Variants in PCDHA2 observed in about 807,000 individuals in gnomAD.
PCDHA2 encodes protocadherin alpha 2.
PCDHA2 carries 58 observed loss-of-function variants against 66.0 expected under a neutral mutation model. The observed-to-expected ratio is 0.88, with a 90% CI of 0.71 to 1.09. The LOEUF is 1.09. PCDHA2 is among the 50% of genes least tolerant of loss of function. The pLI, the probability that PCDHA2 is intolerant of heterozygous loss-of-function variation, is 0.00. For missense variants in PCDHA2, 1,267 were observed against 1,242.3 expected, an observed-to-expected ratio of 1.02 and a Z score of -0.30; for synonymous variants, 634 against 554.0, an observed-to-expected ratio of 1.14 and a Z score of -2.03.
intron 1 of PCDHA2, among the ~76,000 whole-genome samples, chr5:140,921,272 C>T (rs2080137544): frequency 6.6e-6 from 1 of 152,074 alleles, no homozygotes; most frequent in African/African-American, 2.4e-5. Context: ...TTTATACTTA[C>T]TTGAAAAAAA....
rs2098417470 is a variant in PCDHA2, at chr5:141,010,504, A to G, written c.*567A>G. On this transcript the variant is annotated 3_prime_UTR_variant, in exon 4 of 4. Coordinates refer to ENST00000526136, the MANE Select transcript of PCDHA2 (RefSeq NM_018905.3). ...AACTTAAAGGGACCAGACTTTCTAA[A>G]TCTTACAACTCAAGAGGTGGCAGCC... 3.6e-6 allele frequency: 2 copies of G among 549,616 alleles called. No homozygotes were observed. The allele number at this position is 549,616 out of a possible 1,614,324, so 34.0% of individuals were successfully genotyped here.
chr5:140,947,938 A>G (rs2094195228), intron 1 of PCDHA2, among the ~76,000 whole-genome samples: 1 of 151,536 alleles, frequency 6.6e-6, no homozygotes, highest in African/African-American at 2.4e-5. Context: ...CTTATGAGAA[A>G]AGTGTTCCAT....
At chr5:140,803,095 C>T (rs782438161) in intron 1 of PCDHA2, 1 of 1,613,880 alleles carries the variant, frequency 6.2e-7, no homozygotes. Context: ...GAGATCAGCA[C>T]GACCCGTGCC....
chr5:140,862,315 C>T, intron 1 of PCDHA2: 1 of 317,364 alleles, frequency 3.2e-6, no homozygotes, highest in Non-Finnish European at 6.2e-6. Context: ...CCGTCATAGC[C>T]CTAATCAGTG....
rs1554206642 is a variant in PCDHA2, at chr5:140,929,061, G to C, written c.2389-49888G>C. The C allele has an allele frequency of 3.1e-6, 5 of 1,614,196 alleles. No individual in the cohort carries two copies. In the South Asian group the frequency reaches 5.5e-5, roughly 18 times the overall value. On this transcript the variant is annotated intron_variant, in intron 1 of 3. Transcript: ENST00000526136. Reference sequence around the variant, plus strand: ...CTCAGAGCTGCTGTCGCTCTACAGAGGATCTGAGGTATGGAAGTAAGATGG... The same window carrying C: ...CTCAGAGCTGCTGTCGCTCTACAGACGATCTGAGGTATGGAAGTAAGATGG...
At chr5:140,834,504 C>T (rs2150219958) in intron 1 of PCDHA2, 3 of 1,614,130 alleles carry the variant, frequency 1.9e-6, no homozygotes, top group Non-Finnish European at 1.7e-6. Flanking sequence ...GGAGGCTAAA[C>T]ATGGCAACTT....
chr5:140,937,071 T>G (rs2091308048), intron 1 of PCDHA2, among the ~76,000 whole-genome samples: 1 of 147,932 alleles, frequency 6.8e-6, no homozygotes, highest in African/African-American at 2.5e-5. Context: ...GGAGTCTCGC[T>G]CTGTCGCCCA....
At chr5:140,829,647 C>CGGAGA in intron 1 of PCDHA2, 1 of 1,612,324 alleles carries the variant, frequency 6.2e-7, no homozygotes, top group Non-Finnish European at 8.5e-7. Context: ...AAGGTGTACG[C>CGGAGA]GCTGCAGCCG....
intron 1 of PCDHA2, chr5:140,805,239 T>A (rs1352814406): frequency 1.2e-5 from 16 of 1,347,520 alleles, no homozygotes; most frequent in Non-Finnish European, 9.5e-7. Flanking sequence ...GCATTCCCCA[T>A]CTGTACATTA....
At chr5:140,883,502 G>T in intron 1 of PCDHA2, 1 of 1,614,160 alleles carries the variant, frequency 6.2e-7, no homozygotes, top group Non-Finnish European at 8.5e-7. Context: ...GCTGGACAGC[G>T]CCCTGGACCG....
chr5:140,925,455 T>TTG, intron 1 of PCDHA2, among the ~76,000 whole-genome samples: 1 of 152,222 alleles, frequency 6.6e-6, no homozygotes, highest in East Asian at 1.9e-4. Flanking sequence ...GGTGTATCTG[T>TTG]TGTGGCTCAG....
At chr5:140,868,478 A>G (rs2050491329) in intron 1 of PCDHA2, 2 of 152,364 alleles carry the variant, frequency 1.3e-5, no homozygotes, top group African/African-American at 2.4e-5. Flanking sequence ...TAAAACTTCA[A>G]TTTTTTCTTT....
intron 1 of PCDHA2, chr5:140,822,913 G>A (rs2150120291): frequency 6.2e-7 from 1 of 1,614,254 alleles, no homozygotes; most frequent in Non-Finnish European, 8.5e-7. Context: ...TGACTCAGGT[G>A]CCAACGGGCA....
intron 1 of PCDHA2, chr5:140,831,345 A>G (rs1554133179): frequency 1.4e-5 from 2 of 142,358 alleles, no homozygotes; most frequent in African/African-American, 5.3e-5. Flanking sequence ...AGTAATTTAA[A>G]CTATTCACTA....
Position 140,809,694 on chromosome 5 carries a change from A to G in PCDHA2, c.2388+12342A>G, listed in dbSNP as rs1581705402. On this transcript the variant is annotated intron_variant, in intron 1 of 3. Transcript: ENST00000526136. ...AAATTTTACCTCTTTTTACATATCC[A>G]TTTTAACTAAAGTCTTTTGGAATTA... 2.5e-6 allele frequency: 3 copies of G among 1,188,996 alleles called. No homozygotes were observed. The South Asian group carries it at 4.7e-5, about 19-fold the overall frequency. 73.7% of individuals were successfully genotyped at this position (1,188,996 alleles called of 1,614,324 possible). A position where few individuals can be genotyped will look rare whatever the true frequency, so the allele number is the denominator to read the frequency against.
At chr5:140,925,131 T>A (rs986113292) in intron 1 of PCDHA2, among the ~76,000 whole-genome samples, 5 of 150,904 alleles carry the variant, frequency 3.3e-5, no homozygotes, top group East Asian at 1.9e-4. Context: ...GGAAAAAAAA[T>A]TTCAAACATA....
chr5:140,829,741 G>T (rs1770531825), intron 1 of PCDHA2: 4 of 1,613,668 alleles, frequency 2.5e-6, no homozygotes, highest in Non-Finnish European at 3.4e-6. Context: ...GCAACGTGAC[G>T]CTGCAGGTGT....
chr5:140,943,830 G>C (rs1245752469), intron 1 of PCDHA2, among the ~76,000 whole-genome samples: 1 of 152,198 alleles, frequency 6.6e-6, no homozygotes, highest in Non-Finnish European at 1.5e-5. Context: ...TGAGTTGATT[G>C]AAGTTGTAAG....
At chr5:140,835,268 G>A in intron 1 of PCDHA2, 5 of 1,609,704 alleles carry the variant, frequency 3.1e-6, no homozygotes, top group Non-Finnish European at 4.2e-6. Flanking sequence ...AGTTCCACAT[G>A]GACCCCTTAA....
Sources: gnomAD v4.1 joint callset for allele counts (sites outside exome capture counted in the v4.1 genomes callset) on GRCh38, gnomAD v4.1.1 for gene constraint, MANE v1.5 for transcripts, NCBI Gene and HGNC (gene_info 2026-07-23, HGNC 2026-07-21) for gene names.